ILRUN: variants seen among roughly 807,000 people sequenced by gnomAD.
ILRUN encodes protein ILRUN.
Under a neutral mutation model 33.8 loss-of-function variants are expected in ILRUN, and 3 were observed. That is an observed-to-expected ratio of 0.09 (90% CI 0.04 to 0.23). The LOEUF (loss-of-function observed/expected upper bound fraction) is 0.23. ILRUN is among the 10% of genes least tolerant of loss of function. The probability of loss-of-function intolerance (pLI) is 1.00; values close to 1 mark genes in which losing one functional copy is unlikely to be tolerated. For synonymous variants in ILRUN, 124 were observed against 138.9 expected, an observed-to-expected ratio of 0.89 and a Z score of 0.75; for missense variants, 210 against 375.1, an observed-to-expected ratio of 0.56 and a Z score of 3.64.
chr6:34,694,032 G>A (rs1209990360), intron 1 of ILRUN, among the ~76,000 whole-genome samples: 3 of 151,968 alleles, frequency 2.0e-5, no homozygotes, highest in African/African-American at 4.8e-5. Flanking sequence ...TGTCACCCAG[G>A]CTGGTCTCAA....
At chr6:34,598,937 G>A (rs1235080960) in intron 4 of ILRUN, among the ~76,000 whole-genome samples, 1 of 152,226 alleles carries the variant, frequency 6.6e-6, no homozygotes, top group Non-Finnish European at 1.5e-5. Context: ...TACACAGTGT[G>A]CTAATCTGCC....
intron 3 of ILRUN, among the ~76,000 whole-genome samples, chr6:34,613,887 A>C (rs1209160303): frequency 6.6e-6 from 1 of 152,156 alleles, no homozygotes; most frequent in East Asian, 1.9e-4. Flanking sequence ...TTCTCCAGTA[A>C]AAAGTACAAG....
At chr6:34,595,666 C>T (rs576320905) in intron 4 of ILRUN, 69 of 722,924 alleles carry the variant, frequency 9.5e-5, no homozygotes, top group Non-Finnish European at 1.1e-4. Flanking sequence ...TTTCTGTATA[C>T]GAAAGCTTGT....
At chr6:34,644,046 G>A (rs1346186974) in intron 3 of ILRUN, among the ~76,000 whole-genome samples, 2 of 152,028 alleles carry the variant, frequency 1.3e-5, no homozygotes, top group Non-Finnish European at 2.9e-5. Flanking sequence ...TCTTTTTAAA[G>A]TCCCCTCATA....
intron 3 of ILRUN, among the ~76,000 whole-genome samples, chr6:34,637,760 G>T (rs1324490556): frequency 6.6e-6 from 1 of 152,012 alleles, no homozygotes; most frequent in Non-Finnish European, 1.5e-5. Flanking sequence ...AATTTTTGAT[G>T]GCCCATAGAA....
intron 1 of ILRUN, among the ~76,000 whole-genome samples, chr6:34,661,127 C>T (rs918515472): frequency 3.9e-5 from 6 of 151,974 alleles, no homozygotes; most frequent in Non-Finnish European, 8.8e-5. Flanking sequence ...GCAGCTATAC[C>T]ATTTTCCAAG....
intron 3 of ILRUN, among the ~76,000 whole-genome samples, chr6:34,620,984 T>C (rs991906180): frequency 1.3e-5 from 2 of 152,348 alleles, no homozygotes; most frequent in East Asian, 1.9e-4. Context: ...CACTACTTTA[T>C]AGGAGTCTGC....
chr6:34,629,637 T>C (rs1334039887), intron 3 of ILRUN, among the ~76,000 whole-genome samples: 5 of 152,228 alleles, frequency 3.3e-5, no homozygotes, highest in Non-Finnish European at 5.9e-5. Context: ...ATATGCTAGA[T>C]GTCATTTTCT....
rs563533881 is a variant in ILRUN at position 34,672,566 on chromosome 6, T to A, written c.159-17787A>T. On this transcript the variant is annotated intron_variant, in intron 1 of 4. Coordinates refer to ENST00000374023, the MANE Select transcript of ILRUN (RefSeq NM_024294.4). ...CTGTCTCTTTAAAAAAAATTTTTTTTAAATAGGTGTATATAGTCAAGAACC... is the reference window on the plus strand; with the variant it reads ...CTGTCTCTTTAAAAAAAATTTTTTTAAAATAGGTGTATATAGTCAAGAACC... Among the ~76,000 whole-genome samples, 3 of 152,182 alleles carry A rather than the reference T, an allele frequency of 2.0e-5. No individual in the cohort carries two copies. In the East Asian group the frequency reaches 5.8e-4, roughly 29 times the overall value.
chr6:34,606,017 C>T (rs1761621867), intron 4 of ILRUN, among the ~76,000 whole-genome samples: 1 of 152,094 alleles, frequency 6.6e-6, no homozygotes, highest in African/African-American at 2.4e-5. Flanking sequence ...ATCAAGAAAT[C>T]AAACACCTAG....
At chr6:34,664,114 T>C (rs1316824778) in intron 1 of ILRUN, among the ~76,000 whole-genome samples, 1 of 152,202 alleles carries the variant, frequency 6.6e-6, no homozygotes, top group Non-Finnish European at 1.5e-5. Context: ...GCCATGATTT[T>C]AGTGCAGAGA....
At chr6:34,648,767 TACACACATACACACACATATACATAC>T (rs1325218475) in intron 2 of ILRUN, among the ~76,000 whole-genome samples, 2 of 152,162 alleles carry the variant, frequency 1.3e-5, no homozygotes, top group South Asian at 2.1e-4. Flanking sequence ...TTCTTTAAGA[TACACACATACACACACATATACATAC>T]ACACACATAC....
rs1464662494 is a variant in ILRUN, at chr6:34,606,710, C to T, written c.706G>A (p.Asp236Asn). 4 of 1,614,022 alleles carry T rather than the reference C, an allele frequency of 2.5e-6. No individual in the cohort carries two copies. The highest frequency in any genetic ancestry group is 2.5e-6 in the Non-Finnish European group (3 of 1,180,036). The change falls in exon 4 of 5, where the codon GAC becomes AAC. Residue 236 changes from aspartate (D) to asparagine (N), a missense_variant. Asp to Asn is a conservative substitution (Grantham distance 23). Around this residue, in one of 4 missense-constraint regions of ILRUN, gnomAD observed 81 missense variants for 97.0 expected, o/e 0.84. Coordinates refer to ENST00000374023, the MANE Select transcript of ILRUN (RefSeq NM_024294.4). Reference sequence around the variant, plus strand: ...GCCCATGTGTTTTTGCTGATCGAGTCGAACTCGGAGCCCCCAGGGTCTTTT... The same window carrying T: ...GCCCATGTGTTTTTGCTGATCGAGTTGAACTCGGAGCCCCCAGGGTCTTTT... ...NLKDPGGSEF[D>N]SISKNTWAPA... is the part of the protein sequence containing the mutation.
Position 34,651,748 on chromosome 6 carries a change from A to T in ILRUN, c.313+2877T>A, listed in dbSNP as rs201955963. Among the ~76,000 whole-genome samples, 1,206 of 132,950 alleles carry T rather than the reference A, an allele frequency of 9.1e-3. 11 individuals are homozygous for T. Among genetic ancestry groups the T allele is most frequent in the African/African-American group, 0.027 (897 of 32,768 alleles). 87.2% of individuals were successfully genotyped at this position (132,950 alleles called of 152,430 possible). The stretch of plus-strand genomic sequence containing the variant: ...ACCTCATTTATTAAAAAAAAAAAAA[A>T]TTATATATATATATATATCTCACTG... On this transcript the variant is annotated intron_variant, in intron 2 of 4. Coordinates refer to ENST00000374023, the MANE Select transcript of ILRUN (RefSeq NM_024294.4).
intron 1 of ILRUN, among the ~76,000 whole-genome samples, chr6:34,674,033 A>T (rs1048591401): frequency 6.6e-6 from 1 of 151,970 alleles, no homozygotes; most frequent in African/African-American, 2.4e-5. Flanking sequence ...CAGAGGTCCA[A>T]ATCTTTTTTT....
rs144058852 is a variant in ILRUN, at chr6:34,597,383, G to A, written c.862-6783C>T. On this transcript the variant is annotated intron_variant, in intron 4 of 4. Coordinates refer to ENST00000374023, the MANE Select transcript of ILRUN (RefSeq NM_024294.4). Reference sequence around the variant, plus strand: ...GAGGAGATTTCCAAAGAGGAAGAACGAACAGTAACAGTCTCACTGGGGAGG... The same window carrying A: ...GAGGAGATTTCCAAAGAGGAAGAACAAACAGTAACAGTCTCACTGGGGAGG... Among the ~76,000 whole-genome samples the A allele has an allele frequency of 1.6e-3, 237 of 152,306 alleles. 4 individuals carry two copies. Among genetic ancestry groups the A allele is most frequent in the South Asian group, 0.014 (69 of 4,826 alleles).
chr6:34,602,794 C>G (rs1042755496), intron 4 of ILRUN, among the ~76,000 whole-genome samples: 3 of 152,214 alleles, frequency 2.0e-5, no homozygotes, highest in African/African-American at 7.2e-5. Flanking sequence ...CTTCTGACAG[C>G]TCTCCCACAG....
chr6:34,694,448 T>A lies in ILRUN; in HGVS notation c.158+1998A>T, dbSNP rs115947040. Among the ~76,000 whole-genome samples, 494 of 152,266 alleles carry A rather than the reference T, an allele frequency of 3.2e-3. 5 individuals are homozygous for A. The highest frequency in any genetic ancestry group is 0.011 in the African/African-American group (440 of 41,564). On this transcript the variant is annotated intron_variant, in intron 1 of 4. Transcript: ENST00000374023. ...GTGGGAAGCAGTCAGGCAAGAGAAC[T>A]CTCTTCAAGATATAACTTTACTTCT...
chr6:34,625,586 A>G (rs1242619459), intron 3 of ILRUN, among the ~76,000 whole-genome samples: 3 of 152,210 alleles, frequency 2.0e-5, no homozygotes, highest in Non-Finnish European at 2.9e-5. Context: ...ATCAAAAAGT[A>G]CTGTAATCTC....
Sources: gnomAD v4.1 joint callset for allele counts (sites outside exome capture counted in the v4.1 genomes callset) on GRCh38, gnomAD v4.1.1 for gene constraint, gnomAD v4.1.1 regional missense constraint, MANE v1.5 for transcripts, NCBI Gene and HGNC (gene_info 2026-07-23, HGNC 2026-07-21) for gene names.